Variants in ADAMTS12 observed in about 807,000 individuals in gnomAD.
ADAMTS12 encodes the protein A disintegrin and metalloproteinase with thrombospondin motifs 12.
Under a neutral mutation model 167.8 loss-of-function variants are expected in ADAMTS12, and 118 were observed. The ratio of observed to expected loss-of-function variants is 0.70; its 90% confidence interval spans 0.61 to 0.82. ADAMTS12 has a LOEUF of 0.82. Ranked by LOEUF, ADAMTS12 falls within the 40% of genes least tolerant of loss-of-function variation. The pLI, the probability that ADAMTS12 is intolerant of heterozygous loss-of-function variation, is 0.00. For synonymous variants in ADAMTS12, 704 were observed against 716.9 expected, an observed-to-expected ratio of 0.98 and a Z score of 0.29; for missense variants, 1,916 against 1,998.8, an observed-to-expected ratio of 0.96 and a Z score of 0.79.
At chr5:33,710,373 A>G (rs1366836702) in intron 3 of ADAMTS12, among the ~76,000 whole-genome samples, 1 of 152,154 alleles carries the variant, frequency 6.6e-6, no homozygotes, top group Non-Finnish European at 1.5e-5. Context: ...CCACCACTGG[A>G]GCATGGTGTC....
rs1176126822 is a variant in ADAMTS12 at position 33,575,682 on chromosome 5, AC to A, written c.3972+371del. On this transcript the variant is annotated intron_variant, in intron 19 of 23. Transcript: ENST00000504830. ...TCTGTCTTGTATCCCTGATCTCAAA[AC>A]AGGTTTCTTAAGGATGGGGACTGCA... Among the ~76,000 whole-genome samples the A allele has an allele frequency of 2.0e-5, 3 of 152,298 alleles. No homozygotes were observed. In the East Asian group the frequency reaches 5.8e-4, roughly 29 times the overall value.
chr5:33,607,712 G>A (rs909960860), intron 16 of ADAMTS12, among the ~76,000 whole-genome samples: 2 of 152,044 alleles, frequency 1.3e-5, no homozygotes, highest in Admixed American at 6.6e-5. Context: ...GGTTCTCCTT[G>A]TAGAGATCTT....
In ADAMTS12 at chr5:33,639,554, G is replaced by A. The variant is rs553828298; in HGVS notation, c.1719-1808C>T. On this transcript the variant is annotated intron_variant, in intron 11 of 23. Transcript: ENST00000504830. Reference sequence around the variant, plus strand: ...TCAGTGCAAAGGCAGAAGGCATGTCGAGCGAGCAGTCCAGATGAAATCGTA... The same window carrying A: ...TCAGTGCAAAGGCAGAAGGCATGTCAAGCGAGCAGTCCAGATGAAATCGTA... Among the ~76,000 whole-genome samples, 223 of 152,266 alleles carry A rather than the reference G, an allele frequency of 1.5e-3. 1 individual carries two copies. The highest frequency in any genetic ancestry group is 2.5e-3 in the Non-Finnish European group (170 of 68,024).
intron 16 of ADAMTS12, among the ~76,000 whole-genome samples, chr5:33,610,201 G>A (rs57326439): frequency 0.018 from 2,711 of 151,882 alleles, 90 homozygotes; most frequent in African/African-American, 0.062. Flanking sequence ...AACAACAACA[G>A]CAACAACAAA....
At chr5:33,584,683 C>G (rs1747244405) in intron 18 of ADAMTS12, among the ~76,000 whole-genome samples, 1 of 152,122 alleles carries the variant, frequency 6.6e-6, no homozygotes, top group South Asian at 2.1e-4. Context: ...TACAATAATC[C>G]TATCTTTCTC....
intron 1 of ADAMTS12, 141 bp from the exon 2 acceptor site, chr5:33,881,621 G>T (rs1380099961): frequency 1.6e-6 from 2 of 1,224,528 alleles, no homozygotes; most frequent in Non-Finnish European, 2.2e-6. Context: ...GAGTGCAATG[G>T]CACGATCCGG....
chr5:33,695,625 A>G (rs1013550221), intron 3 of ADAMTS12, among the ~76,000 whole-genome samples: 5 of 152,214 alleles, frequency 3.3e-5, no homozygotes, highest in African/African-American at 1.2e-4. Flanking sequence ...TTCCATTTAC[A>G]TGAGGTACCT....
intron 3 of ADAMTS12, among the ~76,000 whole-genome samples, chr5:33,725,175 T>C (rs765646265): frequency 5.9e-5 from 9 of 152,198 alleles, no homozygotes; most frequent in Non-Finnish European, 1.2e-4. Flanking sequence ...GCTCCCGATA[T>C]GATTCTGTAG....
intron 20 of ADAMTS12, among the ~76,000 whole-genome samples, chr5:33,556,984 G>A (rs1320912541): frequency 6.6e-6 from 1 of 152,210 alleles, no homozygotes; most frequent in East Asian, 1.9e-4. Flanking sequence ...ACTGCAACAT[G>A]ACCTTTGGTG....
intron 20 of ADAMTS12, among the ~76,000 whole-genome samples, chr5:33,553,003 T>TACAAAAA (rs563240492): frequency 1.3e-5 from 2 of 151,698 alleles, no homozygotes; most frequent in South Asian, 2.1e-4. Context: ...GTTAAATTTA[T>TACAAAAA]ACAAAAAACA....
intron 22 of ADAMTS12, among the ~76,000 whole-genome samples, chr5:33,542,214 A>G (rs184990431): frequency 7.0e-4 from 107 of 152,338 alleles, no homozygotes; most frequent in African/African-American, 2.5e-3. Flanking sequence ...AACAGACTTT[A>G]AACCAACAAA....
At chr5:33,605,816 T>C (rs960535289) in intron 16 of ADAMTS12, among the ~76,000 whole-genome samples, 2 of 152,342 alleles carry the variant, frequency 1.3e-5, no homozygotes, top group Non-Finnish European at 2.9e-5. Context: ...CGTTTAATTC[T>C]CATACCAACC....
chr5:33,646,977 TG>T (rs1268494738), intron 9 of ADAMTS12, among the ~76,000 whole-genome samples: 3 of 152,040 alleles, frequency 2.0e-5, no homozygotes, highest in African/African-American at 7.2e-5. Flanking sequence ...AGGTTAAATA[TG>T]CATAATTGGA....
At chr5:33,770,451 T>C (rs551930686) in intron 2 of ADAMTS12, among the ~76,000 whole-genome samples, 19 of 152,266 alleles carry the variant, frequency 1.2e-4, no homozygotes, top group African/African-American at 4.3e-4. Context: ...AGCAGGAGCT[T>C]TAAGTAAGTC....
intron 3 of ADAMTS12, among the ~76,000 whole-genome samples, chr5:33,693,108 C>T (rs936279937): frequency 1.3e-5 from 2 of 152,156 alleles, no homozygotes; most frequent in Admixed American, 6.5e-5. Context: ...GTTGCTGCTA[C>T]ACCCAGCTCA....
chr5:33,584,376 G>C (rs141957799), intron 18 of ADAMTS12, among the ~76,000 whole-genome samples: 4 of 151,258 alleles, frequency 2.6e-5, no homozygotes, highest in African/African-American at 7.3e-5. Flanking sequence ...TTTTTTTCAG[G>C]TCTCAAATGT....
chr5:33,729,936 CCA>C (rs1200328638), intron 3 of ADAMTS12, among the ~76,000 whole-genome samples: 5 of 152,224 alleles, frequency 3.3e-5, no homozygotes, highest in Non-Finnish European at 5.9e-5. Flanking sequence ...ACTTACTAAA[CCA>C]CCCAACATTT....
chr5:33,755,372 G>T (rs1745131526), intron 2 of ADAMTS12, among the ~76,000 whole-genome samples: 1 of 152,176 alleles, frequency 6.6e-6, no homozygotes, highest in African/African-American at 2.4e-5. Flanking sequence ...GAGCCAGCTG[G>T]TATTTGACCT....
intron 5 of ADAMTS12, among the ~76,000 whole-genome samples, chr5:33,676,707 C>CACACAGAGAGAGAGAGAG (rs879440613): frequency 2.0e-5 from 3 of 149,020 alleles, no homozygotes; most frequent in African/African-American, 7.5e-5. Context: ...CACACACACA[C>CACACAGAGAGAGAGAGAG]AGAGAGAGAG....
Sources: gnomAD v4.1 joint callset for allele counts (sites outside exome capture counted in the v4.1 genomes callset) on GRCh38, gnomAD v4.1.1 for gene constraint, MANE v1.5 for transcripts, NCBI Gene and HGNC (gene_info 2026-07-23, HGNC 2026-07-21) for gene names.